ALDH8A1: variants seen among roughly 807,000 people sequenced by gnomAD.
The protein encoded by ALDH8A1 is 2-aminomuconic semialdehyde dehydrogenase.
In ALDH8A1, 39 loss-of-function variants were observed where a neutral mutation model predicts 43.3. The observed-to-expected ratio is 0.90, with a 90% confidence interval of 0.70 to 1.18. ALDH8A1 has a LOEUF of 1.18. Ranked by LOEUF, ALDH8A1 falls within the 50% of genes most tolerant of loss-of-function variation. ALDH8A1 has a pLI of 0.00. For synonymous variants in ALDH8A1, 233 were observed against 243.5 expected, an observed-to-expected ratio of 0.96 and a Z score of 0.40; for missense variants, 605 against 622.6, an observed-to-expected ratio of 0.97 and a Z score of 0.30.
rs191056757 is a variant in ALDH8A1 at position 134,933,081 on chromosome 6, G to A, written c.593-49C>T. 7.3e-4 allele frequency: 1,082 copies of A among 1,477,978 alleles called. 15 individuals are homozygous for A. The Admixed American group carries it at 0.024, about 32-fold the overall frequency. 91.6% of individuals were successfully genotyped at this position (1,477,978 alleles called of 1,614,324 possible). On this transcript the variant is annotated intron_variant, in intron 4 of 6. Transcript: ENST00000265605. Reference sequence around the variant, plus strand: ...ATAGTAATTCTCAGTATGTTGAAGAGTTCAAGTTACTTGGAAATTCTCCTT... The same window carrying A: ...ATAGTAATTCTCAGTATGTTGAAGAATTCAAGTTACTTGGAAATTCTCCTT...
chr6:134,928,137 C>T (rs1378997367), intron 6 of ALDH8A1, among the ~76,000 whole-genome samples: 1 of 152,204 alleles, frequency 6.6e-6, no homozygotes, highest in East Asian at 1.9e-4. Flanking sequence ...AGTCCTTTCT[C>T]TCTCCTGACC....
intron 1 of ALDH8A1, among the ~76,000 whole-genome samples, chr6:134,946,454 A>G (rs553024446): frequency 3.3e-5 from 5 of 152,368 alleles, no homozygotes; most frequent in African/African-American, 1.2e-4. Context: ...ACTTATGTCC[A>G]TGTAATATAG....
intron 4 of ALDH8A1, among the ~76,000 whole-genome samples, chr6:134,935,478 G>C (rs564106640): frequency 6.6e-6 from 1 of 152,200 alleles, no homozygotes; most frequent in Non-Finnish European, 1.5e-5. Flanking sequence ...GTTCATGAAT[G>C]GGGAAGCTTT....
chr6:134,939,421 G>A lies in ALDH8A1; in HGVS notation c.443-6C>T. 6.2e-7 allele frequency: 1 copy of A among 1,613,376 alleles called. No homozygotes were observed. Among genetic ancestry groups the A allele is most frequent in the Non-Finnish European group, 8.5e-7 (1 of 1,179,868 alleles). On this transcript the variant is annotated splice_polypyrimidine_tract_variant and splice_region_variant and intron_variant, in intron 3 of 6. Transcript: ENST00000265605. ...CCAGGGGCTGATCAGACCAGCTAAG[G>A]GATGAGAGCAGAAGCACTGCCTGTG... is the stretch of plus-strand genomic sequence containing the variant.
chr6:134,923,107 C>A (rs1018898595), intron 6 of ALDH8A1, among the ~76,000 whole-genome samples: 1 of 152,246 alleles, frequency 6.6e-6, no homozygotes, highest in South Asian at 2.1e-4. Context: ...CTCACTGCAA[C>A]CTTGACCTCC....
At chr6:134,934,513 C>A (rs758222995) in intron 4 of ALDH8A1, among the ~76,000 whole-genome samples, 1 of 152,132 alleles carries the variant, frequency 6.6e-6, no homozygotes, top group Non-Finnish European at 1.5e-5. Context: ...CCCGAGGATA[C>A]GTAGTGAGGG....
rs187032566 is a variant in ALDH8A1, at chr6:134,945,940, G to A, written c.139-1974C>T. On this transcript the variant is annotated intron_variant, in intron 1 of 6. Coordinates refer to ENST00000265605, the MANE Select transcript of ALDH8A1 (RefSeq NM_022568.4). ...TTTTCATGATAGTGAGTGAATTCTCGTGAGATCTAATGGTTTTATAAATGG... is the reference window on the plus strand; with the variant it reads ...TTTTCATGATAGTGAGTGAATTCTCATGAGATCTAATGGTTTTATAAATGG... 2.0e-3 allele frequency among the ~76,000 whole-genome samples: 301 copies of A among 152,198 alleles called. 1 individual carries two copies. Among genetic ancestry groups the A allele is most frequent in the African/African-American group, 7.1e-3 (294 of 41,518 alleles).
In ALDH8A1 at chr6:134,919,763, C is replaced by T. The variant is rs1286208275; in HGVS notation, c.1012-896G>A. On this transcript the variant is annotated intron_variant, in intron 6 of 6. Coordinates refer to ENST00000265605, the MANE Select transcript of ALDH8A1 (RefSeq NM_022568.4). ...ATATTTTGGATTTTTACTTATCTAT[C>T]GAGCATTCTGCCCCAGGATTACATT... Among the ~76,000 whole-genome samples the T allele has an allele frequency of 3.3e-5, 5 of 152,110 alleles. No individual in the cohort carries two copies. The South Asian group carries it at 6.2e-4, about 19-fold the overall frequency.
In ALDH8A1 at chr6:134,939,334, A is replaced by C. The variant is rs751469454; in HGVS notation, c.524T>G (p.Val175Gly). The part of the protein sequence containing the change: ...IAPAMAAGNT[V>G]IAKPSELTSV... ...AGTCAGCTCACTGGGCTTGGCTATC[A>C]CAGTGTTCCCTGCAGCCATCGCTGG... Residue 175 changes from valine (V) to glycine (G), a missense_variant, in exon 4 of 7, where the codon GTG becomes GGG. Transcript: ENST00000265605. 18 of 1,614,074 alleles carry C rather than the reference A, an allele frequency of 1.1e-5. No individual in the cohort carries two copies. The highest frequency in any genetic ancestry group is 1.5e-5 in the Non-Finnish European group (18 of 1,180,028).
chr6:134,949,911 C>G lies in ALDH8A1; in HGVS notation c.138+5G>C. On this transcript the variant is annotated splice_donor_5th_base_variant and intron_variant, in intron 1 of 6. Transcript: ENST00000265605. The stretch of plus-strand genomic sequence containing the variant: ...TTTCAGTCTTCTTTAAGTGCATATA[C>G]TCACCTCGTCTTTTCCACTATTTGG... 1 of 1,587,028 alleles carries G rather than the reference C, an allele frequency of 6.3e-7. No individual in the cohort carries two copies. Among genetic ancestry groups the G allele is most frequent in the Non-Finnish European group, 8.6e-7 (1 of 1,166,134 alleles).
At position 134,929,138 on chromosome 6, in the gene ALDH8A1, T is replaced by C. The variant is rs943832809; in HGVS notation, c.927A>G (p.Glu309=). 1.2e-6 allele frequency: 2 copies of C among 1,614,210 alleles called. No homozygotes were observed. The highest frequency in any genetic ancestry group is 1.7e-6 in the Non-Finnish European group (2 of 1,180,024). Reference sequence around the variant, plus strand: ...TGCCGACTTTCCACTTTCTGGTAGCTTCTACAAATCTCTTTAAAAATTCAC... The same window carrying C: ...TGCCGACTTTCCACTTTCTGGTAGCCTCTACAAATCTCTTTAAAAATTCAC... ...IYSEFLKRFV[E]ATRKWKVGIP... is the part of the protein sequence containing the mutation. The change falls in exon 6 of 7, where the codon GAA becomes GAG. Residue 309 remains glutamate, a synonymous_variant. Coordinates refer to ENST00000265605, the MANE Select transcript of ALDH8A1 (RefSeq NM_022568.4).
intron 3 of ALDH8A1, among the ~76,000 whole-genome samples, chr6:134,941,219 T>C (rs1274216644): frequency 6.6e-6 from 1 of 152,178 alleles, no homozygotes; most frequent in African/African-American, 2.4e-5. Flanking sequence ...CTTTTTTTTT[T>C]CTTTTGAGAC....
Position 134,918,767 on chromosome 6 carries a change from T to C in ALDH8A1, c.1112A>G (p.Tyr371Cys), listed in dbSNP as rs1290080820. 1 of 1,614,186 alleles carries C rather than the reference T, an allele frequency of 6.2e-7. No homozygotes were observed. The highest frequency in any genetic ancestry group is 1.1e-5 in the South Asian group (1 of 91,086). ...LSLPARNQAG[Y>C]FMLPTVITDI... ...TGTTATCACCGTGGGAAGCATAAAG[T>C]AGCCTGCCTGGTTCCTGGCAGGGAG... The change falls in exon 7 of 7, where the codon TAC (tyrosine) becomes TGC (cysteine). Residue 371 changes from tyrosine to cysteine, a missense_variant. Coordinates refer to ENST00000265605, the MANE Select transcript of ALDH8A1 (RefSeq NM_022568.4).
chr6:134,924,304 A>G (rs1236591238), intron 6 of ALDH8A1, among the ~76,000 whole-genome samples: 1 of 152,184 alleles, frequency 6.6e-6, no homozygotes, highest in Non-Finnish European at 1.5e-5. Flanking sequence ...CCTGATAACA[A>G]AAACTATCAC....
intron 5 of ALDH8A1, among the ~76,000 whole-genome samples, 171 bp downstream of exon 5, chr6:134,932,605 A>C (rs1160531576): frequency 2.6e-5 from 4 of 152,188 alleles, no homozygotes; most frequent in Admixed American, 1.3e-4. Flanking sequence ...AAGGCCACTA[A>C]TTAATGTTAA....
At chr6:134,944,636 C>G (rs1431321652) in intron 1 of ALDH8A1, among the ~76,000 whole-genome samples, 3 of 151,998 alleles carry the variant, frequency 2.0e-5, no homozygotes, top group Non-Finnish European at 4.4e-5. Context: ...GTAATCTTAG[C>G]ACTTAGGGAG....
At chr6:134,922,533 G>A (rs1278835189) in intron 6 of ALDH8A1, among the ~76,000 whole-genome samples, 2 of 151,762 alleles carry the variant, frequency 1.3e-5, no homozygotes, top group Non-Finnish European at 2.9e-5. Context: ...GGCTACAGGT[G>A]CGAGCCACCA....
At chr6:134,941,907 C>G (rs1260007063) in intron 3 of ALDH8A1, among the ~76,000 whole-genome samples, 1 of 151,994 alleles carries the variant, frequency 6.6e-6, no homozygotes, top group Non-Finnish European at 1.5e-5. Context: ...ATTCTTTTCC[C>G]TATGATTTTC....
chr6:134,936,398 A>G (rs1390534309), intron 4 of ALDH8A1, among the ~76,000 whole-genome samples: 1 of 152,214 alleles, frequency 6.6e-6, no homozygotes, highest in Non-Finnish European at 1.5e-5. Context: ...GGGCAAAGGA[A>G]AGTGTGGAAG....
Sources: gnomAD v4.1 joint callset for allele counts (sites outside exome capture counted in the v4.1 genomes callset) on GRCh38, gnomAD v4.1.1 for gene constraint, MANE v1.5 for transcripts, NCBI Gene and HGNC (gene_info 2026-07-23, HGNC 2026-07-21) for gene names.